Variants in NPHS1 observed in about 807,000 individuals in gnomAD.
The protein encoded by NPHS1 is NPHS1 adhesion molecule, nephrin.
NPHS1 carries 107 observed loss-of-function variants against 139.7 expected under a neutral mutation model. The observed-to-expected ratio is 0.77, with a 90% CI of 0.66 to 0.90. The LOEUF (loss-of-function observed/expected upper bound fraction) is 0.90, where lower values mean the gene tolerates loss of function less well. Ranked by LOEUF, NPHS1 falls within the 40% of genes least tolerant of loss-of-function variation. The pLI is 0.00. For synonymous variants in NPHS1, 707 were observed against 706.6 expected (o/e 1.00, Z -0.01); for missense variants, 1,580 against 1,654.2 (o/e 0.96, Z 0.78).
chr19:35,843,810 T>C lies in NPHS1; in HGVS notation c.2213-217A>G, dbSNP rs377722808. 19 of 662,066 alleles carry C rather than the reference T, an allele frequency of 2.9e-5. No individual in the cohort carries two copies. In the African/African-American group the frequency reaches 3.3e-4, roughly 11 times the overall value. 41.0% of individuals were successfully genotyped at this position (662,066 alleles called of 1,614,324 possible). On this transcript the variant is annotated intron_variant, in intron 16 of 28. Coordinates refer to ENST00000378910, the MANE Select transcript of NPHS1 (RefSeq NM_004646.4). ...TCTGTGATAATTAGAGTGAGTTGAGTGGGCTTCCAGAATTGTGTGTGTAGC... is the reference window on the plus strand; with the variant it reads ...TCTGTGATAATTAGAGTGAGTTGAGCGGGCTTCCAGAATTGTGTGTGTAGC...
intron 14 of NPHS1, 92 bp from the exon 15 acceptor site, chr19:35,844,551 T>A: frequency 7.2e-7 from 1 of 1,383,388 alleles, no homozygotes; most frequent in Non-Finnish European, 9.9e-7. Flanking sequence ...AGGGTTAAAG[T>A]TGGGGTCACG....
In NPHS1 at chr19:35,830,970, G is replaced by A. The variant is rs775070536; in HGVS notation, c.3482-14C>T. On this transcript the variant is annotated splice_polypyrimidine_tract_variant and intron_variant, in intron 27 of 28. Transcript: ENST00000378910. ...CACCTGTGAAACCTGGAGTTGGAGT[G>A]GAAGGGAGACACGATCAAGGCACCC... The A allele has an allele frequency of 6.8e-6, 11 of 1,607,010 alleles. No homozygotes were observed. Among genetic ancestry groups the A allele is most frequent in the Non-Finnish European group, 9.4e-6 (11 of 1,173,504 alleles).
Position 35,848,307 on chromosome 19 carries a change from T to C in NPHS1, c.1261A>G (p.Ser421Gly). Residue 421 changes from serine (S) to glycine (G), a missense_variant, in exon 10 of 29, where the codon AGT (serine) becomes GGT (glycine). Ser to Gly is a moderately conservative substitution (Grantham distance 56, BLOSUM62 0). Transcript: ENST00000378910. Reference protein sequence around the residue: ...NGLTLTCEAFSEAFTKETFKK... With the variant: ...NGLTLTCEAFGEAFTKETFKK... Reference sequence around the variant, plus strand: ...AAGGTCTCCTTGGTGAAGGCTTCACTGAAGGCCTCACATGTGAGGGTCAGA... The same window carrying C: ...AAGGTCTCCTTGGTGAAGGCTTCACCGAAGGCCTCACATGTGAGGGTCAGA... The C allele has an allele frequency of 6.2e-7, 1 of 1,614,164 alleles. No individual in the cohort carries two copies. The highest frequency in any genetic ancestry group is 8.5e-7 in the Non-Finnish European group (1 of 1,180,024).
In NPHS1 at chr19:35,826,572, T is replaced by A; in HGVS notation, c.3668A>T (p.Asp1223Val). The change falls in exon 29 of 29, where the codon GAC becomes GTC. Residue 1223 changes from aspartate (D) to valine (V), a missense_variant. Physicochemically the swap from Asp to Val is radical, Grantham distance 152 (BLOSUM62 -3). Transcript: ENST00000378910. ...AGAATCGGGTTCCAGAGTGTCCAAG[T>A]CTCCGGCCACCTGGTCATAGATTCC... is the stretch of plus-strand genomic sequence containing the variant. The part of the protein sequence containing the change: ...PRGIYDQVAG[D>V]LDTLEPDSLP... The A allele has an allele frequency of 2.5e-6, 4 of 1,613,966 alleles. No individual in the cohort carries two copies. The highest frequency in any genetic ancestry group is 3.4e-6 in the Non-Finnish European group (4 of 1,180,000).
rs1396212401 is a variant in NPHS1, at chr19:35,845,438, G to C, written c.1860C>G (p.Arg620=). ...CGGCGCTGTGGGCGCGGCAGGTCAC[G>C]CGCTGGCCATGATCGCGGGATGACA... ...LQVSSRDHGQ[R]VTCRAHSAEL... The change falls in exon 14 of 29, where the codon CGC becomes CGG. Residue 620 remains arginine (R), a synonymous_variant. Transcript: ENST00000378910. The surrounding 1 kb of genome is among the most constrained non-coding windows in gnomAD (Gnocchi z 5.5). 10 of 1,614,064 alleles carry C rather than the reference G, an allele frequency of 6.2e-6. No individual in the cohort carries two copies. The South Asian group carries it at 9.9e-5, about 16-fold the overall frequency.
intron 22 of NPHS1, among the ~76,000 whole-genome samples, chr19:35,838,246 G>C (rs1973002711): frequency 7.0e-6 from 1 of 143,144 alleles, no homozygotes; most frequent in Non-Finnish European, 1.5e-5. Context: ...CTGCGTCTCA[G>C]AACAAAAACA....
In NPHS1 at chr19:35,830,824, G is replaced by A; in HGVS notation, c.3594+20C>T. 1 of 1,434,108 alleles carries A rather than the reference G, an allele frequency of 7.0e-7. No individual in the cohort carries two copies. The highest frequency in any genetic ancestry group is 1.1e-5 in the South Asian group (1 of 87,472). 88.8% of individuals were successfully genotyped at this position (1,434,108 alleles called of 1,614,324 possible). On this transcript the variant is annotated intron_variant, in intron 28 of 28. Transcript: ENST00000378910. ...CCAGCACTAGCCAGGAAGGATGGTT[G>A]CTGATGCAAAGCTTCTCACCATCTG...
chr19:35,851,705 G>A (rs770028736), intron 1 of NPHS1, 33 bp from the exon 2 acceptor site: 3 of 1,591,620 alleles, frequency 1.9e-6, no homozygotes, highest in South Asian at 1.1e-5. Context: ...GGAAAGGGCA[G>A]AGGGTTTGTC....
At chr19:35,850,930 GC>G in intron 4 of NPHS1, 30 bp downstream of exon 4, 1 of 1,612,844 alleles carries the variant, frequency 6.2e-7, no homozygotes, top group Non-Finnish European at 8.5e-7. Context: ...GCTTCATGCT[GC>G]CCCCTGCCAC....
At position 35,848,130 on chromosome 19, in the gene NPHS1, C is replaced by G; in HGVS notation, c.1351G>C (p.Glu451Gln). 1 of 1,614,086 alleles carries G rather than the reference C, an allele frequency of 6.2e-7. No homozygotes were observed. Among genetic ancestry groups the G allele is most frequent in the Non-Finnish European group, 8.5e-7 (1 of 1,180,016 alleles). ...GTCCCAGCCCGGAGCTTCTGGCCCTCTGGGGGACCCTCAATCCACAGTTTC... is the reference window on the plus strand; with the variant it reads ...GTCCCAGCCCGGAGCTTCTGGCCCTGTGGGGGACCCTCAATCCACAGTTTC... ...AQKLWIEGPP[E>Q]GQKLRAGTRV... Residue 451 changes from glutamate (E) to glutamine (Q), a missense_variant, in exon 11 of 29, where the codon GAG becomes CAG. By Grantham distance (29) the Glu-to-Gln change is conservative. Coordinates refer to ENST00000378910, the MANE Select transcript of NPHS1 (RefSeq NM_004646.4).
intron 20 of NPHS1, among the ~76,000 whole-genome samples, chr19:35,840,617 A>G (rs1227959695): frequency 6.6e-6 from 1 of 151,586 alleles, no homozygotes; most frequent in African/African-American, 2.4e-5. Flanking sequence ...TACAGGTGTG[A>G]GCCACTGCAC....
chr19:35,833,431 C>T (rs1352638941), intron 23 of NPHS1, among the ~76,000 whole-genome samples: 1 of 152,186 alleles, frequency 6.6e-6, no homozygotes. Context: ...AAATAAGAGT[C>T]TCCATTCCTC....
chr19:35,849,201 G>T, intron 7 of NPHS1, 35 bp downstream of exon 7: 1 of 1,613,402 alleles, frequency 6.2e-7, no homozygotes, highest in Non-Finnish European at 8.5e-7. Context: ...AGACCCCACT[G>T]TCCCCCCATT....
intron 28 of NPHS1, 23 bp from the exon 29 acceptor site, chr19:35,826,668 A>G (rs770370361): frequency 1.2e-6 from 2 of 1,613,806 alleles, no homozygotes. Flanking sequence ...AAGTGGAGTT[A>G]GAACCATGGA....
At chr19:35,842,624 G>A (rs1257276275) in intron 17 of NPHS1, 74 bp from the exon 18 acceptor site, 10 of 1,476,102 alleles carry the variant, frequency 6.8e-6, no homozygotes, top group Non-Finnish European at 8.5e-6. Context: ...TGTCCCTTCT[G>A]TAGCCTCATT....
chr19:35,845,631 G>A lies in NPHS1; in HGVS notation c.1757+38C>T. 1.2e-6 allele frequency: 2 copies of A among 1,610,332 alleles called. No homozygotes were observed. The highest frequency in any genetic ancestry group is 1.7e-6 in the Non-Finnish European group (2 of 1,178,284). ...GCGGGACATGCGTGGAGGGGGCGAG[G>A]CCAGACCAGAGAGGGGAGGGATCCC... On this transcript the variant is annotated intron_variant, in intron 13 of 28. Coordinates refer to ENST00000378910, the MANE Select transcript of NPHS1 (RefSeq NM_004646.4). This position sits in a 1 kb window ranked among gnomAD's most constrained non-coding sequence, Gnocchi z 5.5.
Position 35,841,712 on chromosome 19 carries a change from T to C in NPHS1, c.2815+3A>G, listed in dbSNP as rs1223946044. 1.2e-6 allele frequency: 2 copies of C among 1,613,986 alleles called. No individual in the cohort carries two copies. Among genetic ancestry groups the C allele is most frequent in the African/African-American group, 1.3e-5 (1 of 74,902 alleles). On this transcript the variant is annotated splice_donor_region_variant and intron_variant, in intron 20 of 28. Coordinates refer to ENST00000378910, the MANE Select transcript of NPHS1 (RefSeq NM_004646.4). Reference sequence around the variant, plus strand: ...CCCCAACACCCTCACAGCCCCTCCATACTGATGCTGACAAGTTGAATGTTG... The same window carrying C: ...CCCCAACACCCTCACAGCCCCTCCACACTGATGCTGACAAGTTGAATGTTG...
intron 11 of NPHS1, 129 bp from the exon 12 acceptor site, chr19:35,846,323 C>T (rs1437301000): frequency 2.1e-6 from 2 of 934,130 alleles, no homozygotes; most frequent in South Asian, 1.5e-5. Flanking sequence ...AGGAGAAGCA[C>T]TCTCATCAGC....
intron 28 of NPHS1, among the ~76,000 whole-genome samples, chr19:35,828,396 G>A (rs1371966779): frequency 6.6e-6 from 1 of 151,996 alleles, no homozygotes; most frequent in Non-Finnish European, 1.5e-5. Flanking sequence ...TCCCGAGTAG[G>A]TGGGACTACA....
Sources: allele counts gnomAD v4.1 joint callset (sites outside exome capture counted in the v4.1 genomes callset), GRCh38; gene constraint gnomAD v4.1.1; non-coding constraint Gnocchi (gnomAD v3.1); transcripts MANE v1.5; gene names NCBI Gene and HGNC (gene_info 2026-07-23, HGNC 2026-07-21).